Variants in IL1RAPL1 observed in about 807,000 individuals in gnomAD.
The protein encoded by IL1RAPL1 is interleukin-1 receptor accessory protein-like 1.
Under a neutral mutation model 48.4 loss-of-function variants are expected in IL1RAPL1, and 3 were observed. The ratio of observed to expected loss-of-function variants is 0.06; its 90% confidence interval spans 0.03 to 0.16. The LOEUF (loss-of-function observed/expected upper bound fraction) is 0.16. Ranked by LOEUF, IL1RAPL1 falls within the 10% of genes least tolerant of loss-of-function variation. The probability of loss-of-function intolerance (pLI) is 1.00; values close to 1 mark genes in which losing one functional copy is unlikely to be tolerated. For missense variants in IL1RAPL1, 349 were observed against 530.6 expected (o/e 0.66, Z 3.36); for synonymous variants, 185 against 187.7 (o/e 0.99, Z 0.12).
chrX:29,291,231 A>G (rs1932365982), intron 3 of IL1RAPL1, among the ~76,000 whole-genome samples: 1 of 110,839 alleles, frequency 9.0e-6, no homozygotes, highest in African/African-American at 3.3e-5. Context: ...TCACATAGCC[A>G]ACATAAATAG....
chrX:28,840,745 T>C (rs776307823), intron 2 of IL1RAPL1, among the ~76,000 whole-genome samples: 1 of 110,773 alleles, frequency 9.0e-6, no homozygotes, highest in African/African-American at 3.3e-5. Context: ...AGACTTAAGC[T>C]TCCGTGTCTA....
chrX:29,905,609 C>T lies in IL1RAPL1; in HGVS notation c.779-11855C>T, dbSNP rs369647872. 1.4e-4 allele frequency among the ~76,000 whole-genome samples: 15 copies of T among 110,984 alleles called. No homozygotes were observed. The East Asian group carries it at 1.7e-3, about 13-fold the overall frequency. On this transcript the variant is annotated intron_variant, in intron 6 of 10. Coordinates refer to ENST00000378993, the MANE Select transcript of IL1RAPL1 (RefSeq NM_014271.4). The stretch of plus-strand genomic sequence containing the variant: ...TATGGCTAGCCAGTTTTCCTAGCAC[C>T]ATTTATTGAACAGGGAATCCTTTCC...
At chrX:28,815,234 C>T (rs1293886803) in intron 2 of IL1RAPL1, among the ~76,000 whole-genome samples, 1 of 110,432 alleles carries the variant, frequency 9.1e-6, no homozygotes, top group Non-Finnish European at 1.9e-5. Flanking sequence ...TGATGAAATC[C>T]CTCAAGTTTT....
chrX:29,751,912 A>G (rs760923180), intron 6 of IL1RAPL1, among the ~76,000 whole-genome samples: 2 of 107,428 alleles, frequency 1.9e-5, no homozygotes, highest in African/African-American at 6.8e-5. Context: ...AGCCTGGACA[A>G]CAGAGTGAGA....
intron 2 of IL1RAPL1, among the ~76,000 whole-genome samples, chrX:29,146,612 A>T (rs1929356923): frequency 8.9e-6 from 1 of 112,215 alleles, no homozygotes; most frequent in Non-Finnish European, 1.9e-5. Flanking sequence ...TGCCTAGAGT[A>T]AGTCCAGATT....
intron 5 of IL1RAPL1, among the ~76,000 whole-genome samples, chrX:29,413,044 C>T (rs903905557): frequency 9.0e-6 from 1 of 111,539 alleles, no homozygotes; most frequent in Non-Finnish European, 1.9e-5. Flanking sequence ...GGGAGGGACC[C>T]CGTTAGAGGT....
intron 6 of IL1RAPL1, among the ~76,000 whole-genome samples, chrX:29,772,327 A>G (rs1292611458): frequency 3.6e-5 from 4 of 110,904 alleles, no homozygotes; most frequent in Non-Finnish European, 5.7e-5. Context: ...TATTTATAGT[A>G]TGATAGAATC....
intron 1 of IL1RAPL1, among the ~76,000 whole-genome samples, chrX:28,769,649 A>T (rs775527553): frequency 9.0e-6 from 1 of 111,615 alleles, no homozygotes; most frequent in Admixed American, 9.6e-5. Context: ...AGAGTATGAC[A>T]CAGTGAGTAT....
chrX:28,703,287 C>T (rs748836519), intron 1 of IL1RAPL1, among the ~76,000 whole-genome samples: 1 of 111,348 alleles, frequency 9.0e-6, no homozygotes, highest in South Asian at 3.8e-4. Flanking sequence ...GGAGCGAATC[C>T]ATGTGAAAAT....
intron 2 of IL1RAPL1, among the ~76,000 whole-genome samples, chrX:28,983,971 G>A (rs1276903586): frequency 9.0e-6 from 1 of 111,588 alleles, no homozygotes; most frequent in African/African-American, 3.3e-5. Flanking sequence ...ACCACTTCAG[G>A]TAGGACAAAG....
chrX:29,124,656 C>A (rs1928864633), intron 2 of IL1RAPL1, among the ~76,000 whole-genome samples: 1 of 112,032 alleles, frequency 8.9e-6, no homozygotes, highest in African/African-American at 3.2e-5. Context: ...TAAAATGAAT[C>A]ATTGAGACTG....
At chrX:29,893,334 C>G (rs1453860002) in intron 6 of IL1RAPL1, among the ~76,000 whole-genome samples, 2 of 111,071 alleles carry the variant, frequency 1.8e-5, no homozygotes, top group Non-Finnish European at 3.8e-5. Context: ...GTCTCAGGGG[C>G]CTAAATTCGA....
chrX:29,757,267 G>C (rs1039763573), intron 6 of IL1RAPL1, among the ~76,000 whole-genome samples: 1 of 112,121 alleles, frequency 8.9e-6, no homozygotes, highest in Admixed American at 9.5e-5. Flanking sequence ...ATAATCTCTT[G>C]AAGTTGAAGC....
chrX:28,669,538 G>A (rs1024397769), intron 1 of IL1RAPL1, among the ~76,000 whole-genome samples: 1 of 108,088 alleles, frequency 9.3e-6, no homozygotes, highest in African/African-American at 3.4e-5. Flanking sequence ...AGAATCGCTT[G>A]AACCAGGAGG....
At chrX:29,667,502 A>G (rs1160528499) in intron 5 of IL1RAPL1, among the ~76,000 whole-genome samples, 1 of 112,248 alleles carries the variant, frequency 8.9e-6, no homozygotes, top group African/African-American at 3.2e-5. Flanking sequence ...GATAATTTAT[A>G]TACTTGATAC....
intron 1 of IL1RAPL1, among the ~76,000 whole-genome samples, chrX:28,746,847 C>T (rs1333197470): frequency 2.7e-5 from 3 of 111,528 alleles, no homozygotes; most frequent in Non-Finnish European, 5.7e-5. Flanking sequence ...AACTTCAGTT[C>T]ATATGTCTGT....
chrX:29,533,031 A>G (rs1291709618), intron 5 of IL1RAPL1, among the ~76,000 whole-genome samples: 1 of 112,335 alleles, frequency 8.9e-6, no homozygotes, highest in Non-Finnish European at 1.9e-5. Flanking sequence ...ATAACAGTCT[A>G]ATAAAAACCT....
intron 2 of IL1RAPL1, among the ~76,000 whole-genome samples, chrX:28,915,027 T>TG (rs1249478236): frequency 1.8e-5 from 2 of 111,405 alleles, no homozygotes; most frequent in Non-Finnish European, 1.9e-5. Context: ...GGACAGATGA[T>TG]GGGGGGCAGG....
chrX:28,829,612 T>G (rs1397485197), intron 2 of IL1RAPL1, among the ~76,000 whole-genome samples: 5 of 103,092 alleles, frequency 4.9e-5, no homozygotes, highest in Non-Finnish European at 2.0e-5. Context: ...CAGGCTGGAG[T>G]GCAGTGGCAC....
Sources: allele counts gnomAD v4.1 joint callset (sites outside exome capture counted in the v4.1 genomes callset), GRCh38; gene constraint gnomAD v4.1.1; transcripts MANE v1.5; gene names NCBI Gene and HGNC (gene_info 2026-07-23, HGNC 2026-07-21).